NELL1: variants seen among roughly 807,000 people sequenced by gnomAD.
NELL1 encodes the protein neural EGFL like 1, also known as protein kinase C-binding protein NELL1.
A neutral mutation model predicts 107.4 loss-of-function variants in NELL1; 76 were observed. The ratio of observed to expected loss-of-function variants is 0.71; its 90% CI spans 0.59 to 0.86. NELL1 has a LOEUF of 0.86. Ranked by LOEUF, NELL1 falls within the 40% of genes least tolerant of loss-of-function variation. NELL1 has a pLI of 0.00. For synonymous variants in NELL1, 353 were observed against 341.2 expected (o/e 1.03, Z -0.38); for missense variants, 1,024 against 1,005.5 (o/e 1.02, Z -0.25).
intron 3 of NELL1, among the ~76,000 whole-genome samples, chr11:20,823,715 G>A (rs1172560184): frequency 6.6e-6 from 1 of 151,112 alleles, no homozygotes; most frequent in African/African-American, 2.4e-5. Context: ...CCAAGTATGT[G>A]GGAATCACAG....
intron 13 of NELL1, among the ~76,000 whole-genome samples, chr11:21,178,103 G>A (rs1345499441): frequency 6.6e-6 from 1 of 151,420 alleles, no homozygotes; most frequent in African/African-American, 2.4e-5. Flanking sequence ...TCTTTGCTTT[G>A]CAAAGTTATT....
At chr11:21,227,556 T>A (rs1446610518) in intron 13 of NELL1, among the ~76,000 whole-genome samples, 3 of 152,188 alleles carry the variant, frequency 2.0e-5, no homozygotes, top group African/African-American at 7.2e-5. Context: ...TCTGAATCCT[T>A]AGACTTTTTT....
At chr11:20,857,133 G>T (rs1848896764) in intron 4 of NELL1, among the ~76,000 whole-genome samples, 1 of 152,190 alleles carries the variant, frequency 6.6e-6, no homozygotes, top group African/African-American at 2.4e-5. Flanking sequence ...GGGAGAGAGG[G>T]AAGCTGTTGG....
At chr11:20,830,301 C>T (rs886464271) in intron 3 of NELL1, among the ~76,000 whole-genome samples, 72 of 151,746 alleles carry the variant, frequency 4.7e-4, no homozygotes, top group African/African-American at 1.6e-3. Context: ...TGAGAAACTG[C>T]TTTTGAATCA....
At chr11:21,559,833 A>T (rs546826167) in intron 16 of NELL1, among the ~76,000 whole-genome samples, 2 of 152,232 alleles carry the variant, frequency 1.3e-5, no homozygotes, top group Admixed American at 1.3e-4. Flanking sequence ...AATCGTTCTT[A>T]AGAATATCCT....
chr11:21,473,793 T>C (rs907224449), intron 15 of NELL1, among the ~76,000 whole-genome samples: 2 of 152,062 alleles, frequency 1.3e-5, no homozygotes, highest in Admixed American at 6.6e-5. Context: ...TATTGCAATA[T>C]TGGAGTCACA....
chr11:21,192,009 G>A (rs1408524326), intron 13 of NELL1, among the ~76,000 whole-genome samples: 2 of 151,304 alleles, frequency 1.3e-5, no homozygotes, highest in African/African-American at 4.9e-5. Context: ...ATAGTGTTGG[G>A]GTAATAGATA....
intron 14 of NELL1, among the ~76,000 whole-genome samples, chr11:21,332,051 A>T (rs944529549): frequency 6.6e-6 from 1 of 152,028 alleles, no homozygotes; most frequent in Non-Finnish European, 1.5e-5. Context: ...CTATTTCTAT[A>T]GATGGTCTTT....
intron 15 of NELL1, among the ~76,000 whole-genome samples, chr11:21,517,856 G>C (rs1855608552): frequency 6.6e-6 from 1 of 152,072 alleles, no homozygotes; most frequent in African/African-American, 2.4e-5. Context: ...GGTTTATTCA[G>C]TGAGAAATGA....
At chr11:21,561,548 G>A (rs899055024) in intron 17 of NELL1, among the ~76,000 whole-genome samples, 2 of 152,064 alleles carry the variant, frequency 1.3e-5, no homozygotes, top group African/African-American at 4.8e-5. Context: ...ATGGGATAAA[G>A]TAACTTGCCC....
intron 2 of NELL1, among the ~76,000 whole-genome samples, chr11:20,743,179 C>T (rs1004024876): frequency 2.0e-5 from 3 of 151,966 alleles, no homozygotes; most frequent in East Asian, 1.9e-4. Flanking sequence ...ATGGTGATCT[C>T]GCCATCTCCA....
At chr11:20,918,669 T>C (rs927196231) in intron 6 of NELL1, among the ~76,000 whole-genome samples, 13 of 151,974 alleles carry the variant, frequency 8.6e-5, no homozygotes, top group Admixed American at 2.0e-4. Context: ...GTGAGACTTA[T>C]TCACTACCAT....
intron 2 of NELL1, among the ~76,000 whole-genome samples, chr11:20,727,031 A>G (rs1195313807): frequency 6.6e-6 from 1 of 152,080 alleles, no homozygotes; most frequent in African/African-American, 2.4e-5. Flanking sequence ...AGTTTTTGCT[A>G]TTGTGAATAG....
At chr11:20,715,853 A>C (rs969793598) in intron 2 of NELL1, among the ~76,000 whole-genome samples, 1 of 152,130 alleles carries the variant, frequency 6.6e-6, no homozygotes, top group Non-Finnish European at 1.5e-5. Context: ...AGCTATTTCA[A>C]TGTAGCCTTT....
intron 2 of NELL1, among the ~76,000 whole-genome samples, chr11:20,715,324 A>G (rs936562830): frequency 6.0e-5 from 9 of 150,480 alleles, no homozygotes; most frequent in Admixed American, 1.3e-4. Flanking sequence ...TTTTTAAAGA[A>G]TGATTTCAAA....
Position 21,252,869 on chromosome 11 carries a change from T to C in NELL1, c.1549+23415T>C, listed in dbSNP as rs556894231. On this transcript the variant is annotated intron_variant, in intron 14 of 19. Coordinates refer to ENST00000357134, the MANE Select transcript of NELL1 (RefSeq NM_006157.5). ...TTCTATTACTTAAACTTAAACATGG[T>C]TTTGCATTCTGTGGCCTCTCAGCAC... is the stretch of plus-strand genomic sequence containing the variant. Among the ~76,000 whole-genome samples the C allele has an allele frequency of 1.3e-4, 20 of 152,254 alleles. No individual in the cohort carries two copies. The South Asian group carries it at 3.9e-3, about 30-fold the overall frequency.
intron 4 of NELL1, among the ~76,000 whole-genome samples, chr11:20,850,525 A>G (rs1848776851): frequency 6.6e-6 from 1 of 152,180 alleles, no homozygotes; most frequent in African/African-American, 2.4e-5. Context: ...ATTTGTCTGT[A>G]ACCCTGCTAC....
chr11:20,954,426 C>T (rs1851129815), intron 11 of NELL1, among the ~76,000 whole-genome samples: 1 of 152,172 alleles, frequency 6.6e-6, no homozygotes. Context: ...AATGATTTAT[C>T]CTTCTCTGAA....
intron 15 of NELL1, among the ~76,000 whole-genome samples, chr11:21,471,954 C>A (rs1039284045): frequency 6.6e-6 from 1 of 151,900 alleles, no homozygotes; most frequent in Non-Finnish European, 1.5e-5. Context: ...CTCTGATCAA[C>A]AAATAAAAAA....
Sources: allele counts gnomAD v4.1 joint callset (sites outside exome capture counted in the v4.1 genomes callset), GRCh38; gene constraint gnomAD v4.1.1; transcripts MANE v1.5; gene names NCBI Gene and HGNC (gene_info 2026-07-23, HGNC 2026-07-21).